Variants in NFIB observed in about 807,000 individuals in gnomAD.
NFIB encodes nuclear factor I B, also known as nuclear factor 1 B-type.
In NFIB, 11 loss-of-function variants were observed where a neutral mutation model predicts 61.5. The observed-to-expected ratio is 0.18, with a 90% confidence interval of 0.11 to 0.30. The LOEUF is 0.30. NFIB is among the 10% of genes least tolerant of loss of function. NFIB has a pLI of 1.00. For synonymous variants in NFIB, 260 were observed against 216.5 expected, an observed-to-expected ratio of 1.20 and a Z score of -1.76; for missense variants, 471 against 608.9, an observed-to-expected ratio of 0.77 and a Z score of 2.38.
intron 1 of NFIB, among the ~76,000 whole-genome samples, chr9:14,348,330 C>A (rs567859995): frequency 5.5e-5 from 6 of 109,690 alleles, no homozygotes; most frequent in South Asian, 2.6e-4. Flanking sequence ...GTAGTAACTA[C>A]CGGGGGTGAA....
chr9:14,308,280 CT>C (rs2060120200), intron 1 of NFIB, among the ~76,000 whole-genome samples: 1 of 152,138 alleles, frequency 6.6e-6, no homozygotes, highest in African/African-American at 2.4e-5. Flanking sequence ...GGTTTCCATA[CT>C]TTGAGCAGTG....
At chr9:14,366,987 T>C (rs2061308052) in intron 1 of NFIB, among the ~76,000 whole-genome samples, 1 of 152,134 alleles carries the variant, frequency 6.6e-6, no homozygotes, top group African/African-American at 2.4e-5. Context: ...GAGTTTTGGC[T>C]GTCTCTCCTT....
At chr9:14,331,863 C>G (rs1486637489) in intron 1 of NFIB, among the ~76,000 whole-genome samples, 2 of 152,142 alleles carry the variant, frequency 1.3e-5, no homozygotes, top group African/African-American at 4.8e-5. Flanking sequence ...ATAGTCCTTT[C>G]TCAATAAATA....
intron 3 of NFIB, among the ~76,000 whole-genome samples, chr9:14,163,622 A>G (rs972412221): frequency 6.6e-6 from 1 of 152,066 alleles, no homozygotes; most frequent in Non-Finnish European, 1.5e-5. Context: ...TATGAATACA[A>G]TCTATTAAAA....
intron 6 of NFIB, among the ~76,000 whole-genome samples, chr9:14,144,227 T>C (rs976750926): frequency 2.6e-5 from 4 of 152,150 alleles, no homozygotes; most frequent in African/African-American, 9.7e-5. Context: ...TGAGATTGGC[T>C]TTATTCAGTA....
At chr9:14,310,424 T>G (rs994367136) in intron 1 of NFIB, among the ~76,000 whole-genome samples, 3 of 152,180 alleles carry the variant, frequency 2.0e-5, no homozygotes, top group Non-Finnish European at 4.4e-5. Context: ...TCGCATATAT[T>G]TCTGTATTAA....
the NFIB span, among the ~76,000 whole-genome samples, chr9:14,504,470 T>C: frequency 9.2e-5 from 14 of 152,226 alleles, no homozygotes; most frequent in Non-Finnish European, 4.4e-5. Flanking sequence ...GCATGGGATG[T>C]GTTTCCATTT....
At chr9:14,487,126 C>T in the NFIB span, among the ~76,000 whole-genome samples, 1 of 152,138 alleles carries the variant, frequency 6.6e-6, no homozygotes, top group Non-Finnish European at 1.5e-5. Context: ...GCCTGAAAGA[C>T]GTCTTCCAAT....
chr9:14,430,770 G>C, the NFIB span, among the ~76,000 whole-genome samples: 1 of 152,040 alleles, frequency 6.6e-6, no homozygotes, highest in Admixed American at 6.6e-5. Context: ...TTCGTAGAGA[G>C]GGGGTTTTGT....
the NFIB span, among the ~76,000 whole-genome samples, chr9:14,493,186 G>A: frequency 4.6e-5 from 7 of 152,096 alleles, no homozygotes; most frequent in African/African-American, 1.2e-4. Flanking sequence ...ACCCACATTC[G>A]TTAAGGCCAT....
intron 3 of NFIB, among the ~76,000 whole-genome samples, chr9:14,159,771 G>C (rs1364112884): frequency 6.6e-6 from 1 of 152,230 alleles, no homozygotes; most frequent in Non-Finnish European, 1.5e-5. Context: ...AAATGGGCAG[G>C]GGTCCTGCAG....
the NFIB span, among the ~76,000 whole-genome samples, chr9:14,517,097 T>A: frequency 9.3e-4 from 142 of 152,344 alleles, 1 homozygote; most frequent in African/African-American, 3.3e-3. Flanking sequence ...GTCCCCTTTT[T>A]CTGACTACCC....
the NFIB span, among the ~76,000 whole-genome samples, chr9:14,505,852 A>C: frequency 6.6e-6 from 1 of 152,176 alleles, no homozygotes; most frequent in South Asian, 2.1e-4. Flanking sequence ...GAAACTGCAG[A>C]GGAAATTACA....
chr9:14,336,583 A>G (rs1307215176), intron 1 of NFIB, among the ~76,000 whole-genome samples: 2 of 152,322 alleles, frequency 1.3e-5, no homozygotes, highest in East Asian at 1.9e-4. Context: ...TTCTAGAGAT[A>G]TGCTCTGAAG....
chr9:14,248,562 C>T (rs182029957), intron 2 of NFIB, among the ~76,000 whole-genome samples: 79 of 152,268 alleles, frequency 5.2e-4, no homozygotes, highest in East Asian at 3.1e-3. Flanking sequence ...TGAGCCACCA[C>T]GCCCGGCCTC....
intron 2 of NFIB, among the ~76,000 whole-genome samples, chr9:14,187,041 G>A (rs60845450): frequency 0.26 from 35,846 of 138,658 alleles, 4,883 homozygotes; most frequent in Middle Eastern, 0.38. Context: ...GTGTGTGTGT[G>A]TGTGTGTGTG....
intron 4 of NFIB, among the ~76,000 whole-genome samples, chr9:14,151,129 CAT>C (rs1478173804): frequency 6.6e-6 from 1 of 151,998 alleles, no homozygotes; most frequent in Non-Finnish European, 1.5e-5. Context: ...TAACCGGACA[CAT>C]AGGATTATTT....
At chr9:14,425,013 A>T in the NFIB span, among the ~76,000 whole-genome samples, 1 of 152,168 alleles carries the variant, frequency 6.6e-6, no homozygotes, top group East Asian at 1.9e-4. Context: ...ACAAGGAAGG[A>T]GTAGTGAGTA....
chr9:14,277,436 G>C (rs1433232174), intron 2 of NFIB, among the ~76,000 whole-genome samples: 4 of 152,072 alleles, frequency 2.6e-5, no homozygotes, highest in African/African-American at 2.4e-5. Context: ...TTGGTGTTTT[G>C]CCAAATTATG....
Sources: gnomAD v4.1 joint callset for allele counts (sites outside exome capture counted in the v4.1 genomes callset) on GRCh38, gnomAD v4.1.1 for gene constraint, MANE v1.5 for transcripts, NCBI Gene and HGNC (gene_info 2026-07-23, HGNC 2026-07-21) for gene names.